The following PITPNM2 variants were observed in gnomAD, a reference collection of about 807,000 sequenced individuals.
PITPNM2 encodes the protein phosphatidylinositol transfer protein membrane associated 2, also known as membrane-associated phosphatidylinositol transfer protein 2.
PITPNM2 carries 35 observed loss-of-function variants against 132.2 expected under a neutral mutation model. The observed-to-expected ratio is 0.26, with a 90% CI of 0.20 to 0.35. The LOEUF is 0.35. Ranked by LOEUF, PITPNM2 falls within the 10% of genes least tolerant of loss-of-function variation. The pLI is 1.00. For synonymous variants in PITPNM2, 738 were observed against 799.2 expected, an observed-to-expected ratio of 0.92 and a Z score of 1.29; for missense variants, 1,332 against 1,912.0, an observed-to-expected ratio of 0.70 and a Z score of 5.66.
At chr12:123,072,620 G>A (rs2041649598) in intron 2 of PITPNM2, among the ~76,000 whole-genome samples, 1 of 152,222 alleles carries the variant, frequency 6.6e-6, no homozygotes, top group African/African-American at 2.4e-5. Context: ...GAGATCCACT[G>A]GGGCAGAGCT....
intron 2 of PITPNM2, among the ~76,000 whole-genome samples, chr12:123,057,668 C>T (rs957039683): frequency 2.6e-5 from 4 of 152,148 alleles, no homozygotes; most frequent in Admixed American, 6.5e-5. Context: ...AGCCCCAGGG[C>T]ACATAGAGGC....
At chr12:123,144,337 T>C (rs1473244283) in intron 1 of PITPNM2, among the ~76,000 whole-genome samples, 1 of 152,192 alleles carries the variant, frequency 6.6e-6, no homozygotes, top group Non-Finnish European at 1.5e-5. Flanking sequence ...AGAGAAAATC[T>C]CTTGTGTTAG....
chr12:123,113,670 C>T (rs907057308), intron 1 of PITPNM2, among the ~76,000 whole-genome samples: 1 of 151,950 alleles, frequency 6.6e-6, no homozygotes, highest in African/African-American at 2.4e-5. Context: ...CACTGCACTC[C>T]AGCCTGAGTG....
chr12:123,012,137 T>G (rs76207009), intron 5 of PITPNM2, among the ~76,000 whole-genome samples: 14,718 of 152,296 alleles, frequency 0.097, 2,374 homozygotes, highest in African/African-American at 0.33. Context: ...CATTTAGTAT[T>G]GGGAGATTTC....
At chr12:123,001,962 C>T (rs1240284520) in intron 8 of PITPNM2, among the ~76,000 whole-genome samples, 7 of 150,240 alleles carry the variant, frequency 4.7e-5, no homozygotes, top group African/African-American at 7.4e-5. Context: ...ACCTGGGTGG[C>T]GGAGGTTGCA....
chr12:123,050,050 CGTCT>C (rs2040809153), intron 2 of PITPNM2, among the ~76,000 whole-genome samples: 1 of 152,230 alleles, frequency 6.6e-6, no homozygotes, highest in African/African-American at 2.4e-5. Flanking sequence ...TTCTTGACAG[CGTCT>C]GTGACTCAGA....
intron 1 of PITPNM2, among the ~76,000 whole-genome samples, chr12:123,113,457 T>TA (rs2042879226): frequency 6.6e-6 from 1 of 152,136 alleles, no homozygotes; most frequent in African/African-American, 2.4e-5. Flanking sequence ...TCCCAGCACT[T>TA]AGAGAGACCA....
intron 2 of PITPNM2, among the ~76,000 whole-genome samples, chr12:123,062,083 T>C (rs545952923): frequency 1.3e-5 from 2 of 152,266 alleles, no homozygotes; most frequent in East Asian, 3.9e-4. Context: ...CTGGCTTGCA[T>C]CTGTCTGCTC....
At chr12:123,096,442 A>G (rs933246948) in intron 2 of PITPNM2, among the ~76,000 whole-genome samples, 2 of 152,196 alleles carry the variant, frequency 1.3e-5, no homozygotes, top group African/African-American at 4.8e-5. Context: ...TTTTCCATGA[A>G]AAGTGTGTCT....
rs2037917032 is a variant in PITPNM2 at position 122,986,073 on chromosome 12, G to C, written c.4004C>G (p.Ala1335Gly). Reference sequence around the variant, plus strand: ...CCCCGGCTCCAGGCGGCCAGTCATGGCGCGGCCCCAGCAGCCGGCCGCCAC... The same window carrying C: ...CCCCGGCTCCAGGCGGCCAGTCATGCCGCGGCCCCAGCAGCCGGCCGCCAC... ...MSVAAGCWGR[A>G]MTGRLEPGAA... Residue 1335 changes from alanine (A) to glycine (G), a missense_variant, in exon 26 of 26, where the codon GCC becomes GGC. Around this residue, in one of 6 missense-constraint regions of PITPNM2, gnomAD observed 163 missense variants for 177.2 expected, o/e 0.92. Coordinates refer to ENST00000320201, the MANE Select transcript of PITPNM2 (RefSeq NM_020845.3). 2 of 1,432,220 alleles carry C rather than the reference G, an allele frequency of 1.4e-6. No individual in the cohort carries two copies. Among genetic ancestry groups the C allele is most frequent in the Admixed American group, 3.0e-5 (1 of 33,832 alleles). The allele number at this position is 1,432,220 out of a possible 1,614,324, so 88.7% of individuals were successfully genotyped here.
chr12:123,081,647 T>C (rs907904625), intron 2 of PITPNM2: 28 of 152,188 alleles, frequency 1.8e-4, no homozygotes, highest in African/African-American at 5.6e-4. Flanking sequence ...GGGAGGTAAC[T>C]TCTCCAACAG....
chr12:123,010,069 C>T lies in PITPNM2; in HGVS notation c.424G>A (p.Asp142Asn), dbSNP rs1229472613. ...EKNQLTIDFIDIVKDPVPHNE... is the reference protein window; with the variant it reads ...EKNQLTIDFINIVKDPVPHNE... ...TGGGGCACAGGGTCTTTGACAATGT[C>T]GATGAAGTCTGTGGGTAAACCCTTA... The change falls in exon 6 of 26, where the codon GAC becomes AAC. Residue 142 changes from aspartate (D) to asparagine (N), a missense_variant. Asp to Asn is a conservative substitution (Grantham distance 23). Coordinates refer to ENST00000320201, the MANE Select transcript of PITPNM2 (RefSeq NM_020845.3). 5.0e-6 allele frequency: 8 copies of T among 1,613,476 alleles called. 1 individual carries two copies. Among genetic ancestry groups the T allele is most frequent in the Middle Eastern group, 1.7e-4 (1 of 6,058 alleles).
At chr12:123,040,989 T>C (rs1182007277) in intron 2 of PITPNM2, among the ~76,000 whole-genome samples, 2 of 152,218 alleles carry the variant, frequency 1.3e-5, no homozygotes, top group Non-Finnish European at 2.9e-5. Flanking sequence ...TTACCTGATG[T>C]TTCAGAAGGC....
chr12:122,995,670 C>T lies in PITPNM2; in HGVS notation c.1783-10G>A. 6.3e-7 allele frequency: 1 copy of T among 1,576,434 alleles called. No individual in the cohort carries two copies. On this transcript the variant is annotated splice_polypyrimidine_tract_variant and intron_variant, in intron 13 of 25. Transcript: ENST00000320201. Reference sequence around the variant, plus strand: ...ACAGCAGGTCATTGTCCTGGAACGGCCCCGTGGAGGCTCACTGCCAGGTGG... The same window carrying T: ...ACAGCAGGTCATTGTCCTGGAACGGTCCCGTGGAGGCTCACTGCCAGGTGG...
chr12:122,992,755 G>C lies in PITPNM2; in HGVS notation c.2234-86C>G. 9.2e-7 allele frequency: 1 copy of C among 1,087,242 alleles called. No homozygotes were observed. Among genetic ancestry groups the C allele is most frequent in the Non-Finnish European group, 1.3e-6 (1 of 758,682 alleles). The allele number at this position is 1,087,242 out of a possible 1,614,324, so 67.3% of individuals were successfully genotyped here. ...GGGAAATTTGGGAACTGGGCACTGG[G>C]TTGTCTGCTGAAAGTTAGGGATAAG... On this transcript the variant is annotated intron_variant, in intron 15 of 25. Coordinates refer to ENST00000320201, the MANE Select transcript of PITPNM2 (RefSeq NM_020845.3). This position sits in a 1 kb window ranked among gnomAD's most constrained non-coding sequence, Gnocchi z 6.5.
At chr12:123,055,767 C>A (rs1308641946) in intron 2 of PITPNM2, among the ~76,000 whole-genome samples, 1 of 152,048 alleles carries the variant, frequency 6.6e-6, no homozygotes, top group Non-Finnish European at 1.5e-5. Flanking sequence ...TCTTGCCAGG[C>A]TCTCTTAAGC....
At chr12:123,119,946 CTG>C (rs2043003566) in intron 1 of PITPNM2, among the ~76,000 whole-genome samples, 1 of 152,088 alleles carries the variant, frequency 6.6e-6, no homozygotes, top group African/African-American at 2.4e-5. Flanking sequence ...CGTGAGGAGG[CTG>C]TGTCAGCTCA....
chr12:123,035,115 C>A (rs1465824153), intron 2 of PITPNM2, among the ~76,000 whole-genome samples: 1 of 152,254 alleles, frequency 6.6e-6, no homozygotes. Flanking sequence ...ATGAGACATT[C>A]ACAAGTCAGC....
chr12:123,034,477 C>T (rs2040204668), intron 3 of PITPNM2, 36 bp downstream of exon 3: 1 of 1,596,308 alleles, frequency 6.3e-7, no homozygotes, highest in Middle Eastern at 1.9e-4. Context: ...CGCGACCCAC[C>T]CTCACCCCAT....
Sources: gnomAD v4.1 joint callset for allele counts (sites outside exome capture counted in the v4.1 genomes callset) on GRCh38, gnomAD v4.1.1 for gene constraint, gnomAD v4.1.1 regional missense constraint, Gnocchi (gnomAD v3.1) non-coding constraint, MANE v1.5 for transcripts, NCBI Gene and HGNC (gene_info 2026-07-23, HGNC 2026-07-21) for gene names.